Variants in SERINC5 observed in about 807,000 individuals in gnomAD.
SERINC5 encodes chromosome 5 open reading frame 12.
A neutral mutation model predicts 63.1 loss-of-function variants in SERINC5; 41 were observed. The observed-to-expected ratio is 0.65, with a 90% CI of 0.51 to 0.84. The LOEUF (loss-of-function observed/expected upper bound fraction) is 0.84. Among genes scored for constraint, SERINC5 ranks in the 40% least tolerant of loss-of-function variants. SERINC5 has a pLI of 0.00. For synonymous variants in SERINC5, 222 were observed against 215.2 expected, an observed-to-expected ratio of 1.03 and a Z score of -0.28; for missense variants, 523 against 573.0, an observed-to-expected ratio of 0.91 and a Z score of 0.89.
At chr5:80,210,812 A>C (rs1750397812) in intron 1 of SERINC5, among the ~76,000 whole-genome samples, 1 of 152,196 alleles carries the variant, frequency 6.6e-6, no homozygotes, top group Non-Finnish European at 1.5e-5. Context: ...TCTGGGTCTT[A>C]GTTGTCATCA....
intron 1 of SERINC5, among the ~76,000 whole-genome samples, chr5:80,240,100 A>T (rs980890519): frequency 6.6e-6 from 1 of 152,246 alleles, no homozygotes; most frequent in Non-Finnish European, 1.5e-5. Context: ...ACAATTAGGC[A>T]TAATAGGATG....
chr5:80,143,561 C>A lies in SERINC5; in HGVS notation c.*102G>T. On this transcript the variant is annotated 3_prime_UTR_variant, in exon 12 of 12. Coordinates refer to ENST00000507668, the MANE Select transcript of SERINC5 (RefSeq NM_001174072.3). ...TTTCTCTCTCAAAGCTTTTTCAGACCCACTCAGGCACAGGGCGCCAGTCCC... is the reference window on the plus strand; with the variant it reads ...TTTCTCTCTCAAAGCTTTTTCAGACACACTCAGGCACAGGGCGCCAGTCCC... The A allele has an allele frequency of 2.2e-6, 3 of 1,372,576 alleles. No individual in the cohort carries two copies. The highest frequency in any genetic ancestry group is 2.8e-6 in the Non-Finnish European group (3 of 1,063,704). The allele number at this position is 1,372,576 out of a possible 1,614,324, so 85.0% of individuals were successfully genotyped here. A position where few individuals can be genotyped will look rare whatever the true frequency, so the allele number is the denominator to read the frequency against.
intron 1 of SERINC5, among the ~76,000 whole-genome samples, chr5:80,234,981 A>ATTCAGTAGTGTTAAGTGTTCAGTAGTGTT (rs1441651766): frequency 3.3e-5 from 5 of 152,214 alleles, no homozygotes; most frequent in Admixed American, 3.3e-4. Flanking sequence ...TTTTAAGTGT[A>ATTCAGTAGTGTTAAGTGTTCAGTAGTGTT]CAGTTCAGTA....
intron 11 of SERINC5, 192 bp from the exon 12 acceptor site, chr5:80,144,002 GCT>G: frequency 1.6e-6 from 1 of 641,616 alleles, no homozygotes; most frequent in Non-Finnish European, 2.6e-6. Flanking sequence ...CCCCTTAGGT[GCT>G]CTCCCCTTCC....
At chr5:80,250,236 A>T (rs1752345067) in intron 1 of SERINC5, among the ~76,000 whole-genome samples, 1 of 151,850 alleles carries the variant, frequency 6.6e-6, no homozygotes, top group African/African-American at 2.4e-5. Flanking sequence ...GGACTCTCAA[A>T]ACAAGAGAAA....
At position 80,146,225 on chromosome 5, in the gene SERINC5, T is replaced by A; in HGVS notation, c.1103A>T (p.Glu368Val). 1 of 1,613,926 alleles carries A rather than the reference T, an allele frequency of 6.2e-7. No individual in the cohort carries two copies. The highest frequency in any genetic ancestry group is 2.2e-5 in the East Asian group (1 of 44,876). ...CFSPGGEDTE[E>V]QQPGKEGPRV... ...TGGTCCCTCCTTCCCCGGCTGCTGC[T>A]CTTCAGTGTCTGTGAAGCACAGAGG... The change falls in exon 11 of 12, where the codon GAG (glutamate) becomes GTG (valine). Residue 368 changes from glutamate (E) to valine (V), a missense_variant. Glu to Val is a moderately radical substitution (Grantham distance 121). Coordinates refer to ENST00000507668, the MANE Select transcript of SERINC5 (RefSeq NM_001174072.3).
intron 1 of SERINC5, among the ~76,000 whole-genome samples, chr5:80,204,289 C>T (rs1453673784): frequency 2.0e-5 from 3 of 152,154 alleles, no homozygotes; most frequent in Admixed American, 2.0e-4. Flanking sequence ...TTGCAATTGG[C>T]ATCTGAAATG....
At chr5:80,190,354 C>CT (rs1427160708) in intron 2 of SERINC5, among the ~76,000 whole-genome samples, 6 of 152,098 alleles carry the variant, frequency 3.9e-5, no homozygotes, top group Admixed American at 3.9e-4. Context: ...TCAAGTGATC[C>CT]TCCCATCTTG....
chr5:80,163,245 T>C (rs1310428413), intron 7 of SERINC5, among the ~76,000 whole-genome samples: 2 of 152,148 alleles, frequency 1.3e-5, no homozygotes, highest in Non-Finnish European at 2.9e-5. Context: ...GTGGAGCCTT[T>C]TGGGTTTTCT....
chr5:80,251,900 T>A (rs79088091), intron 1 of SERINC5, among the ~76,000 whole-genome samples: 24 of 54,240 alleles, frequency 4.4e-4, no homozygotes, highest in South Asian at 9.0e-4. Flanking sequence ...AGAAGCCTAT[T>A]AATTTCAGCA....
chr5:80,175,998 G>A (rs985607895), intron 4 of SERINC5, among the ~76,000 whole-genome samples: 1 of 151,926 alleles, frequency 6.6e-6, no homozygotes, highest in Admixed American at 6.6e-5. Flanking sequence ...GGCCAATATG[G>A]TGAAACCCCG....
chr5:80,172,865 C>A (rs1029612105), intron 5 of SERINC5, among the ~76,000 whole-genome samples: 3 of 152,210 alleles, frequency 2.0e-5, no homozygotes, highest in African/African-American at 7.2e-5. Context: ...GAAGGACTTT[C>A]TTTCAGTTAA....
chr5:80,143,788 T>C lies in SERINC5; in HGVS notation c.1261A>G (p.Ser421Gly). ...WFNYESANIE[S>G]FFSGSWSIFW... ...ATGGACCAGCTCCCGCTGAAGAAGCTCTCGATGTTGGCACTTTCGTAGCTG... is the reference window on the plus strand; with the variant it reads ...ATGGACCAGCTCCCGCTGAAGAAGCCCTCGATGTTGGCACTTTCGTAGCTG... The change falls in exon 12 of 12, where the codon AGC becomes GGC. Residue 421 changes from serine to glycine, a missense_variant. Physicochemically the swap from Ser to Gly is moderately conservative, Grantham distance 56. Coordinates refer to ENST00000507668, the MANE Select transcript of SERINC5 (RefSeq NM_001174072.3). 1 of 1,536,070 alleles carries C rather than the reference T, an allele frequency of 6.5e-7. No individual in the cohort carries two copies. The highest frequency in any genetic ancestry group is 8.7e-7 in the Non-Finnish European group (1 of 1,146,872).
chr5:80,126,835 C>T (rs1179871800), intron 11 of SERINC5, among the ~76,000 whole-genome samples: 1 of 152,172 alleles, frequency 6.6e-6, no homozygotes, highest in Non-Finnish European at 1.5e-5. Flanking sequence ...CTCAAGTGAT[C>T]TTCCCACCTT....
chr5:80,199,071 G>A (rs1055631915), intron 2 of SERINC5, among the ~76,000 whole-genome samples: 3 of 152,064 alleles, frequency 2.0e-5, no homozygotes, highest in Admixed American at 2.0e-4. Flanking sequence ...ATCTGTAATG[G>A]CTTCCCACTT....
intron 1 of SERINC5, among the ~76,000 whole-genome samples, chr5:80,222,599 T>C (rs1750963872): frequency 6.7e-6 from 1 of 149,358 alleles, no homozygotes; most frequent in African/African-American, 2.5e-5. Flanking sequence ...TGAGACGGAG[T>C]TTCGCTCTTG....
At chr5:80,171,681 C>T (rs927393505) in intron 5 of SERINC5, among the ~76,000 whole-genome samples, 1 of 152,032 alleles carries the variant, frequency 6.6e-6, no homozygotes, top group African/African-American at 2.4e-5. Flanking sequence ...GCCTGGCCAA[C>T]AGAGCAAGAC....
At position 80,139,243 on chromosome 5, in the gene SERINC5, A is replaced by G; in HGVS notation, c.*4420T>C. The G allele has an allele frequency of 1.0e-6, 1 of 973,258 alleles. No homozygotes were observed. The highest frequency in any genetic ancestry group is 1.2e-6 in the Non-Finnish European group (1 of 818,888). The allele number at this position is 973,258 out of a possible 1,614,324, so 60.3% of individuals were successfully genotyped here. ...GTAGTTTTCTTTTTGCAAAGTAAAA[A>G]GGCTTAAATCTTTAATAAAGGAAAA... On this transcript the variant is annotated 3_prime_UTR_variant, in exon 12 of 12. Coordinates refer to ENST00000507668, the MANE Select transcript of SERINC5 (RefSeq NM_001174072.3).
chr5:80,175,523 G>A (rs59711664), intron 4 of SERINC5, among the ~76,000 whole-genome samples: 24,736 of 152,134 alleles, frequency 0.16, 2,549 homozygotes, highest in East Asian at 0.48. Flanking sequence ...CCACAAAGAC[G>A]CTATAACCTT....
Sources: allele counts gnomAD v4.1 joint callset (sites outside exome capture counted in the v4.1 genomes callset), GRCh38; gene constraint gnomAD v4.1.1; transcripts MANE v1.5; gene names NCBI Gene and HGNC (gene_info 2026-07-23, HGNC 2026-07-21).